The following THRB variants were observed in gnomAD, a reference collection of about 807,000 sequenced individuals.
The protein encoded by THRB is nuclear receptor subfamily 1 group A member 2.
A neutral mutation model predicts 47.8 loss-of-function variants in THRB; 12 were observed. That is an observed-to-expected ratio of 0.25 (90% CI 0.16 to 0.41). The LOEUF (loss-of-function observed/expected upper bound fraction) is 0.41. Among genes scored for constraint, THRB ranks in the 10% least tolerant of loss-of-function variants. The probability of loss-of-function intolerance (pLI) is 1.00; values close to 1 mark genes in which losing one functional copy is unlikely to be tolerated. For synonymous variants in THRB, 218 were observed against 212.2 expected (o/e 1.03, Z -0.24); for missense variants, 348 against 589.2 (o/e 0.59, Z 4.24).
intron 1 of THRB, among the ~76,000 whole-genome samples, chr3:24,363,134 A>G (rs1344615590): frequency 6.6e-6 from 1 of 152,158 alleles, no homozygotes; most frequent in Non-Finnish European, 1.5e-5. Flanking sequence ...TATTATGATC[A>G]TGGGAAATAA....
chr3:24,283,607 T>A (rs1398238258), intron 3 of THRB, among the ~76,000 whole-genome samples: 19 of 147,984 alleles, frequency 1.3e-4, no homozygotes, highest in Non-Finnish European at 1.3e-4. Flanking sequence ...GAGAAGGAAA[T>A]AAAGGGTATT....
chr3:24,351,174 T>A (rs1352374890), intron 1 of THRB, among the ~76,000 whole-genome samples: 1 of 152,098 alleles, frequency 6.6e-6, no homozygotes, highest in Non-Finnish European at 1.5e-5. Context: ...CATTGGCTTC[T>A]AAAAAACTCA....
rs760253500 is a variant in THRB, at chr3:24,143,755, A to G, written c.533-49T>C. 1.9e-6 allele frequency: 3 copies of G among 1,595,196 alleles called. No homozygotes were observed. The East Asian group carries it at 6.7e-5, about 36-fold the overall frequency. On this transcript the variant is annotated intron_variant, in intron 7 of 10. Coordinates refer to ENST00000646209, the MANE Select transcript of THRB (RefSeq NM_001354712.2). ...CAAGGCACACAGATGCTCCCAAGAT[A>G]CACAGCAAGCTGCACTTCCTGGAGC...
At chr3:24,231,786 T>C (rs545870176) in intron 3 of THRB, among the ~76,000 whole-genome samples, 8 of 152,272 alleles carry the variant, frequency 5.3e-5, no homozygotes, top group African/African-American at 1.9e-4. Flanking sequence ...AATCCCAAGA[T>C]GGTCCTTTCC....
At chr3:24,145,685 T>C (rs2035990407) in intron 7 of THRB, among the ~76,000 whole-genome samples, 1 of 152,204 alleles carries the variant, frequency 6.6e-6, no homozygotes, top group African/African-American at 2.4e-5. Flanking sequence ...TCTTCTTTAA[T>C]GGGCAAACCA....
chr3:24,269,391 G>GCA (rs1163123727), intron 3 of THRB, among the ~76,000 whole-genome samples: 52 of 36,142 alleles, frequency 1.4e-3, no homozygotes, highest in African/African-American at 5.2e-3. Context: ...GCTCACACGC[G>GCA]CGCGCGCGCG....
chr3:24,259,751 A>G (rs2051747344), intron 3 of THRB, among the ~76,000 whole-genome samples: 1 of 147,778 alleles, frequency 6.8e-6, no homozygotes, highest in Non-Finnish European at 1.5e-5. Flanking sequence ...AGGAAGTTCT[A>G]TTTGTTTAAA....
chr3:24,311,411 C>T (rs1440001736), intron 2 of THRB, among the ~76,000 whole-genome samples: 2 of 152,154 alleles, frequency 1.3e-5, no homozygotes, highest in African/African-American at 2.4e-5. Flanking sequence ...GATGCCCTCT[C>T]GTCTCTCCTC....
intron 7 of THRB, 130 bp downstream of exon 7, chr3:24,146,545 G>C: frequency 1.0e-6 from 1 of 987,332 alleles, no homozygotes; most frequent in Non-Finnish European, 1.6e-6. Flanking sequence ...AGGGGTGTAT[G>C]CGAAAGTAAG....
intron 1 of THRB, among the ~76,000 whole-genome samples, chr3:24,453,019 G>C (rs902405730): frequency 6.6e-6 from 1 of 152,020 alleles, no homozygotes; most frequent in African/African-American, 2.4e-5. Flanking sequence ...TCCAAAATAA[G>C]ATTCTTGACC....
At chr3:24,238,280 G>GTGT (rs1559698924) in intron 3 of THRB, among the ~76,000 whole-genome samples, 7 of 28,382 alleles carry the variant, frequency 2.5e-4, no homozygotes, top group African/African-American at 8.7e-4. Flanking sequence ...TGTGTGTGTG[G>GTGT]GGGGGGGGGG....
At chr3:24,437,225 A>G (rs1276520400) in intron 1 of THRB, among the ~76,000 whole-genome samples, 1 of 151,362 alleles carries the variant, frequency 6.6e-6, no homozygotes, top group Non-Finnish European at 1.5e-5. Flanking sequence ...AAATCCTCTC[A>G]TTTGCAGCAA....
intron 1 of THRB, among the ~76,000 whole-genome samples, chr3:24,398,991 C>T (rs954602346): frequency 1.3e-5 from 2 of 151,860 alleles, no homozygotes; most frequent in Admixed American, 1.3e-4. Flanking sequence ...AAAAACCAAA[C>T]ACCGTATGTT....
At chr3:24,206,093 G>A (rs573474394) in intron 4 of THRB, among the ~76,000 whole-genome samples, 5 of 152,204 alleles carry the variant, frequency 3.3e-5, no homozygotes, top group South Asian at 2.1e-4. Flanking sequence ...ACAGATCAAC[G>A]AGACAGAAAG....
chr3:24,129,611 G>A (rs183365511), intron 9 of THRB, among the ~76,000 whole-genome samples: 3 of 152,362 alleles, frequency 2.0e-5, no homozygotes, highest in African/African-American at 7.2e-5. Flanking sequence ...TCCTTTAAGA[G>A]GGATTTGTAG....
chr3:24,135,059 G>A (rs961186711), intron 8 of THRB, among the ~76,000 whole-genome samples: 4 of 152,100 alleles, frequency 2.6e-5, no homozygotes, highest in Non-Finnish European at 5.9e-5. Flanking sequence ...ATGGAGCTTG[G>A]GAATCTGCAT....
At chr3:24,480,246 G>A (rs1025154718) in intron 1 of THRB, among the ~76,000 whole-genome samples, 3 of 152,160 alleles carry the variant, frequency 2.0e-5, no homozygotes, top group African/African-American at 7.2e-5. Flanking sequence ...TATTGCACTG[G>A]AAAGCACATG....
At chr3:24,178,098 G>A (rs1436976443) in intron 5 of THRB, among the ~76,000 whole-genome samples, 6 of 152,124 alleles carry the variant, frequency 3.9e-5, no homozygotes, top group Admixed American at 6.5e-5. Flanking sequence ...TTCACCTTTA[G>A]AGCATTGAAT....
At chr3:24,285,279 G>A (rs1013418125) in intron 3 of THRB, among the ~76,000 whole-genome samples, 13 of 152,020 alleles carry the variant, frequency 8.6e-5, no homozygotes, top group African/African-American at 2.9e-4. Flanking sequence ...CATGTCCTTT[G>A]TAGGGACATG....
Sources: gnomAD v4.1 joint callset for allele counts (sites outside exome capture counted in the v4.1 genomes callset) on GRCh38, gnomAD v4.1.1 for gene constraint, MANE v1.5 for transcripts, NCBI Gene and HGNC (gene_info 2026-07-23, HGNC 2026-07-21) for gene names.